Variants in FAM184B observed in about 807,000 individuals in gnomAD.
FAM184B encodes the protein family with sequence similarity 184 member B, also known as protein FAM184B.
A neutral mutation model predicts 135.9 loss-of-function variants in FAM184B; 111 were observed. The observed-to-expected ratio is 0.82, with a 90% CI of 0.70 to 0.96. The LOEUF (loss-of-function observed/expected upper bound fraction) is 0.96. Among genes scored for constraint, FAM184B ranks in the 40% least tolerant of loss-of-function variants. The pLI is 0.00. For synonymous variants in FAM184B, 552 were observed against 524.8 expected (o/e 1.05, Z -0.71); for missense variants, 1,375 against 1,323.9 (o/e 1.04, Z -0.60).
At chr4:17,633,640 A>G in intron 17 of FAM184B, 49 bp downstream of exon 17, 1 of 1,389,838 alleles carries the variant, frequency 7.2e-7, no homozygotes, top group Non-Finnish European at 9.4e-7. Flanking sequence ...TTCCCCTCTT[A>G]TCTACAGGGA....
intron 1 of FAM184B, among the ~76,000 whole-genome samples, chr4:17,713,435 T>G (rs1411202719): frequency 2.0e-5 from 3 of 152,242 alleles, no homozygotes. Flanking sequence ...CTTCTGTTAA[T>G]TTCCGTGACC....
At position 17,709,195 on chromosome 4, in the gene FAM184B, C is replaced by A; in HGVS notation, c.591G>T (p.Leu197=). 2 of 1,548,270 alleles carry A rather than the reference C, an allele frequency of 1.3e-6. No homozygotes were observed. The highest frequency in any genetic ancestry group is 1.7e-6 in the Non-Finnish European group (2 of 1,146,570). ...PGQGPEMQEV[L]LEVQRLRVEN... ...CCACTCGCAGCCGCTGCACCTCTAG[C>A]AGGACCTCCTGCATCTCCGGGCCCT... is the stretch of plus-strand genomic sequence containing the variant. The change falls in exon 2 of 18, where the codon CTG becomes CTT. Residue 197 remains leucine, a synonymous_variant. Coordinates refer to ENST00000265018, the MANE Select transcript of FAM184B (RefSeq NM_015688.2).
intron 16 of FAM184B, 79 bp from the exon 17 acceptor site, chr4:17,633,967 TCACC>T: frequency 5.2e-6 from 6 of 1,156,524 alleles, no homozygotes; most frequent in South Asian, 4.7e-5. Flanking sequence ...CAAATAATGC[TCACC>T]CAATCAAAAT....
intron 14 of FAM184B, among the ~76,000 whole-genome samples, chr4:17,638,880 AAGCTGG>A (rs1390898436): frequency 6.6e-6 from 1 of 152,060 alleles, no homozygotes; most frequent in Non-Finnish European, 1.5e-5. Flanking sequence ...TCTGTTGCTG[AAGCTGG>A]AGTGCAGGGT....
intron 5 of FAM184B, among the ~76,000 whole-genome samples, chr4:17,701,864 T>G (rs1426076239): frequency 3.9e-5 from 6 of 152,182 alleles, no homozygotes; most frequent in Non-Finnish European, 7.4e-5. Context: ...TGCTGGCCAG[T>G]AGGGTAGCCA....
intron 7 of FAM184B, among the ~76,000 whole-genome samples, chr4:17,681,773 C>T (rs1361481855): frequency 6.6e-6 from 1 of 152,090 alleles, no homozygotes; most frequent in Non-Finnish European, 1.5e-5. Context: ...TGGGCTGCTT[C>T]CCCATGGCAT....
rs986010265 is a variant in FAM184B, at chr4:17,629,434, A to G, written c.*3098T>C. 6.6e-6 allele frequency: 1 copy of G among 152,216 alleles called. No homozygotes were observed. The highest frequency in any genetic ancestry group is 2.4e-5 in the African/African-American group (1 of 41,458). 9.4% of individuals were successfully genotyped at this position (152,216 alleles called of 1,614,324 possible). A position where few individuals can be genotyped will look rare whatever the true frequency, so the allele number is the denominator to read the frequency against. On this transcript the variant is annotated 3_prime_UTR_variant, in exon 18 of 18. Transcript: ENST00000265018. ...CTCAATCACAAATGTTGGGTTGGAT[A>G]TTACATCAGTGTTAGAGCAGTTAAG...
Position 17,781,215 on chromosome 4 carries a change from C to G in FAM184B, c.85G>C (p.Asp29His). The change falls in exon 1 of 18, where the codon GAC becomes CAC. Residue 29 changes from aspartate to histidine, a missense_variant. Asp to His is a moderately conservative substitution (Grantham distance 81). Transcript: ENST00000265018. This position sits in a 1 kb window ranked among gnomAD's most constrained non-coding sequence, Gnocchi z 6.5. ...TTCACGTGCATCTGGGGATCACAGT[C>G]CATTCTCCAGCCGGCGCCACCGTCG... ...KADGGAGWRM[D>H]CDPQMHVKMC... is the part of the protein sequence containing the mutation. The G allele has an allele frequency of 6.4e-7, 1 of 1,550,974 alleles. No homozygotes were observed. The highest frequency in any genetic ancestry group is 8.7e-7 in the Non-Finnish European group (1 of 1,146,694).
Position 17,647,677 on chromosome 4 carries a change from T to A in FAM184B, c.2306A>T (p.Gln769Leu). Reference sequence around the variant, plus strand: ...GTGATCCTTGCTGTCTCCTGGACACTGGCTGCTGGCTTGCTGTCTGCCCAG... The same window carrying A: ...GTGATCCTTGCTGTCTCCTGGACACAGGCTGCTGGCTTGCTGTCTGCCCAG... The part of the protein sequence containing the change: ...RALGRQQASS[Q>L]CPGDSKDHII... Residue 769 changes from glutamine (Q) to leucine (L), a missense_variant, in exon 12 of 18, where the codon CAG becomes CTG. Coordinates refer to ENST00000265018, the MANE Select transcript of FAM184B (RefSeq NM_015688.2). 6.4e-7 allele frequency: 1 copy of A among 1,550,922 alleles called. No individual in the cohort carries two copies.
intron 1 of FAM184B, among the ~76,000 whole-genome samples, chr4:17,717,723 T>A (rs1717428364): frequency 6.6e-6 from 1 of 152,058 alleles, no homozygotes; most frequent in Non-Finnish European, 1.5e-5. Flanking sequence ...AATTAATGGC[T>A]TTTAAGCATC....
chr4:17,649,868 TCATCCATCCATCCACCC>T (rs1560167559), intron 11 of FAM184B, among the ~76,000 whole-genome samples: 4 of 134,348 alleles, frequency 3.0e-5, no homozygotes, highest in East Asian at 4.0e-4. Context: ...ATCCACCCAC[TCATCCATCCATCCACCC>T]ATCTATCTGT....
chr4:17,651,753 C>T (rs1002022970), intron 11 of FAM184B, among the ~76,000 whole-genome samples: 45 of 152,108 alleles, frequency 3.0e-4, no homozygotes, highest in African/African-American at 9.9e-4. Flanking sequence ...TAAGCAAATT[C>T]CTACCCAAAG....
At chr4:17,690,799 C>G (rs10939750) in intron 6 of FAM184B, among the ~76,000 whole-genome samples, 91,850 of 151,872 alleles carry the variant, frequency 0.6, 28,271 homozygotes, top group East Asian at 0.87. Flanking sequence ...GGTGTGGAGA[C>G]AAGGGAGGGG....
chr4:17,737,004 G>A (rs1717924060), intron 1 of FAM184B, among the ~76,000 whole-genome samples: 1 of 152,182 alleles, frequency 6.6e-6, no homozygotes, highest in Non-Finnish European at 1.5e-5. Context: ...AATTAGCTGA[G>A]TATGGTGGCA....
chr4:17,761,932 TACC>T, intron 1 of FAM184B, among the ~76,000 whole-genome samples: 1 of 152,198 alleles, frequency 6.6e-6, no homozygotes, highest in South Asian at 2.1e-4. Context: ...CTTTCTAAAA[TACC>T]ACCTTCTCCT....
intron 5 of FAM184B, among the ~76,000 whole-genome samples, chr4:17,700,651 A>G (rs374296025): frequency 8.5e-5 from 13 of 152,214 alleles, no homozygotes; most frequent in African/African-American, 2.7e-4. Flanking sequence ...TGACCTAATT[A>G]GCTTTTATAG....
intron 1 of FAM184B, among the ~76,000 whole-genome samples, chr4:17,762,270 T>A (rs1024108578): frequency 6.6e-6 from 1 of 152,252 alleles, no homozygotes; most frequent in East Asian, 1.9e-4. Flanking sequence ...TCTAGACATC[T>A]TTTTTGAGTT....
intron 3 of FAM184B, 43 bp from the exon 4 acceptor site, chr4:17,705,934 A>G: frequency 2.6e-6 from 4 of 1,550,248 alleles, no homozygotes. Flanking sequence ...GCTCTTGGCC[A>G]TGGCCTCTTG....
chr4:17,632,395 G>A lies in FAM184B; in HGVS notation c.*137C>T, dbSNP rs34357041. The A allele has an allele frequency of 2.5e-5, 17 of 669,948 alleles. No individual in the cohort carries two copies. Among genetic ancestry groups the A allele is most frequent in the Middle Eastern group, 3.9e-4 (1 of 2,532 alleles). 41.5% of individuals were successfully genotyped at this position (669,948 alleles called of 1,614,324 possible). A position where few individuals can be genotyped will look rare whatever the true frequency, so the allele number is the denominator to read the frequency against. On this transcript the variant is annotated 3_prime_UTR_variant, in exon 18 of 18. Coordinates refer to ENST00000265018, the MANE Select transcript of FAM184B (RefSeq NM_015688.2). ...TGGCAGAACAGTATGAAGTGTTAAC[G>A]CCAAAATTTGTTTTAGCTATCATAT...
Sources: gnomAD v4.1 joint callset for allele counts (sites outside exome capture counted in the v4.1 genomes callset) on GRCh38, gnomAD v4.1.1 for gene constraint, Gnocchi (gnomAD v3.1) non-coding constraint, MANE v1.5 for transcripts, NCBI Gene and HGNC (gene_info 2026-07-23, HGNC 2026-07-21) for gene names.